The following ZRANB1 variants were observed in gnomAD, a reference collection of about 807,000 sequenced individuals.
The protein encoded by ZRANB1 is ubiquitin thioesterase ZRANB1.
A neutral mutation model predicts 80.5 loss-of-function variants in ZRANB1; 16 were observed. The observed-to-expected ratio is 0.20, with a 90% CI of 0.13 to 0.30. ZRANB1 has a LOEUF of 0.30. Ranked by LOEUF, ZRANB1 falls within the 10% of genes least tolerant of loss-of-function variation. ZRANB1 has a pLI of 1.00. For synonymous variants in ZRANB1, 291 were observed against 293.1 expected (o/e 0.99, Z 0.07); for missense variants, 576 against 862.6 (o/e 0.67, Z 4.16).
upstream of ZRANB1, among the ~76,000 whole-genome samples, chr10:124,938,775 TA>T (rs1951510154): frequency 6.6e-6 from 1 of 151,190 alleles, no homozygotes. Context: ...AGCACAATCA[TA>T]ACTCACTGTA....
chr10:124,935,590 A>G, the ZRANB1 span, among the ~76,000 whole-genome samples: 10 of 152,214 alleles, frequency 6.6e-5, no homozygotes, highest in African/African-American at 9.6e-5. Context: ...TGTGGGCCCT[A>G]GTGCCTGTGG....
the ZRANB1 span, among the ~76,000 whole-genome samples, chr10:124,933,049 ATTC>A: frequency 1.3e-5 from 2 of 151,466 alleles, no homozygotes; most frequent in Non-Finnish European, 2.9e-5. Flanking sequence ...GGTTTTTGGT[ATTC>A]TTATTCTCTT....
At chr10:124,920,787 T>C in the ZRANB1 span, among the ~76,000 whole-genome samples, 429 of 152,248 alleles carry the variant, frequency 2.8e-3, 2 homozygotes, top group African/African-American at 1.0e-2. Flanking sequence ...CAGTTATCTT[T>C]TTATGTTTCT....
rs4020644 is a variant in ZRANB1, at chr10:124,943,528, A to AGTGTGT, written c.814+234_814+239dup. ...GTCTCCACGCACATGCAAAAATGTG[A>AGTGTGT]GTGTGTGTGTGTGTGTGTATATATA... On this transcript the variant is annotated intron_variant, in intron 1 of 8. Coordinates refer to ENST00000359653, the MANE Select transcript of ZRANB1 (RefSeq NM_017580.3). Among the ~76,000 whole-genome samples the AGTGTGT allele has an allele frequency of 1.5e-3, 218 of 148,728 alleles. 1 individual carries two copies. Among genetic ancestry groups the AGTGTGT allele is most frequent in the African/African-American group, 4.3e-3 (177 of 40,878 alleles).
chr10:124,922,321 TATATGTATATATA>T, the ZRANB1 span, among the ~76,000 whole-genome samples: 4 of 19,896 alleles, frequency 2.0e-4, no homozygotes, highest in African/African-American at 3.5e-4. Context: ...ATATGTAAAA[TATATGTATATATA>T]TATTTTTTTT....
rs17152433 is a variant in ZRANB1, at chr10:124,981,787, G to A, written c.1506G>A (p.Gln502=). ...TACATTTTTCCTTGAGAGAAGAACA[G>A]TGGCAAGAAGACTGGGCATTTATAC... ...FGLHFSLREE[Q]WQEDWAFILS... is the part of the protein sequence containing the mutation. The change falls in exon 6 of 9, where the codon CAG becomes CAA. Residue 502 remains glutamine (Q), a synonymous_variant. Transcript: ENST00000359653. 264,083 of 1,613,126 alleles carry A rather than the reference G, an allele frequency of 0.16. 26,454 individuals are homozygous for A. Among genetic ancestry groups the A allele is most frequent in the African/African-American group, 0.48 (35,630 of 74,860 alleles).
chr10:124,963,561 T>G (rs77492536), intron 1 of ZRANB1, among the ~76,000 whole-genome samples: 84 of 137,056 alleles, frequency 6.1e-4, no homozygotes, highest in South Asian at 3.9e-3. Flanking sequence ...TTTGTTTTTT[T>G]TTTTTTTTTT....
Position 124,986,596 on chromosome 10 carries a change from T to C in ZRANB1, c.*1604T>C, listed in dbSNP as rs1028711086. ...TTTAGTACGATTCTGTAGAAATGAA[T>C]CTTTGATATAATGTAAATGCTGCTG... On this transcript the variant is annotated 3_prime_UTR_variant, in exon 9 of 9. Coordinates refer to ENST00000359653, the MANE Select transcript of ZRANB1 (RefSeq NM_017580.3). 31 of 152,202 alleles carry C rather than the reference T, an allele frequency of 2.0e-4. No individual in the cohort carries two copies. Among genetic ancestry groups the C allele is most frequent in the African/African-American group, 7.0e-4 (29 of 41,452 alleles). The allele number at this position is 152,202 out of a possible 1,614,324, so 9.4% of individuals were successfully genotyped here.
chr10:124,925,835 C>T, the ZRANB1 span, among the ~76,000 whole-genome samples: 1 of 152,184 alleles, frequency 6.6e-6, no homozygotes, highest in Non-Finnish European at 1.5e-5. Context: ...TGCACAGTCA[C>T]GCGTTGCTTA....
chr10:124,974,284 G>A lies in ZRANB1; in HGVS notation c.1313G>A (p.Arg438Gln). 4 of 1,614,204 alleles carry A rather than the reference G, an allele frequency of 2.5e-6. No individual in the cohort carries two copies. The highest frequency in any genetic ancestry group is 1.1e-5 in the South Asian group (1 of 91,086). ...AGTCGACTGTATGCACTTTGGAACC[G>A]GACTGCAGGAGACTGCCTACTTGAT... ...LDSRLYALWN[R>Q]TAGDCLLDSV... The change falls in exon 5 of 9, where the codon CGG becomes CAG. Residue 438 changes from arginine (R) to glutamine (Q), a missense_variant. Transcript: ENST00000359653.
the ZRANB1 span, among the ~76,000 whole-genome samples, chr10:124,929,253 A>G: frequency 1.3e-5 from 2 of 152,034 alleles, no homozygotes; most frequent in Non-Finnish European, 2.9e-5. Flanking sequence ...GTGGTGCATT[A>G]GCAAGAGGGT....
chr10:124,971,955 T>C lies in ZRANB1; in HGVS notation c.1003-10T>C. On this transcript the variant is annotated splice_polypyrimidine_tract_variant and intron_variant, in intron 2 of 8. Transcript: ENST00000359653. The stretch of plus-strand genomic sequence containing the variant: ...CATGAGATGAGAGGAAGGTTTCTTT[T>C]GTATTTAAGGTGTCTCAACAAGCAG... The C allele has an allele frequency of 6.4e-7, 1 of 1,566,656 alleles. No homozygotes were observed. The highest frequency in any genetic ancestry group is 8.6e-7 in the Non-Finnish European group (1 of 1,157,052).
chr10:124,973,374 C>T (rs530874664), intron 3 of ZRANB1, among the ~76,000 whole-genome samples: 1 of 152,244 alleles, frequency 6.6e-6, no homozygotes, highest in East Asian at 1.9e-4. Context: ...CCAGGCTGGG[C>T]TCAGAATCCT....
At position 124,985,556 on chromosome 10, in the gene ZRANB1, T is replaced by TG. The variant is rs1314922129; in HGVS notation, c.*564_*565insG. 6.6e-6 allele frequency: 1 copy of TG among 152,652 alleles called. No homozygotes were observed. Among genetic ancestry groups the TG allele is most frequent in the Non-Finnish European group, 1.5e-5 (1 of 68,054 alleles). The allele number at this position is 152,652 out of a possible 1,614,324, so 9.5% of individuals were successfully genotyped here. On this transcript the variant is annotated 3_prime_UTR_variant, in exon 9 of 9. Coordinates refer to ENST00000359653, the MANE Select transcript of ZRANB1 (RefSeq NM_017580.3). ...GTTCCTCTTGTGCCCAATCAAATCT[T>TG]TTAGGAACAAACTGCAAGAAAAGCT...
chr10:124,941,367 G>C (rs182890752), upstream of ZRANB1, among the ~76,000 whole-genome samples: 88 of 152,012 alleles, frequency 5.8e-4, no homozygotes, highest in East Asian at 0.015. Flanking sequence ...TTTTTTGGGG[G>C]GCAGGGGATG....
In ZRANB1 at chr10:124,942,664, C is replaced by A. The variant is rs776166497; in HGVS notation, c.171C>A (p.Ser57Arg). 1.2e-6 allele frequency: 2 copies of A among 1,614,084 alleles called. No homozygotes were observed. Among genetic ancestry groups the A allele is most frequent in the African/African-American group, 1.3e-5 (1 of 74,920 alleles). Residue 57 changes from serine to arginine, a missense_variant, in exon 1 of 9, where the codon AGC (serine) becomes AGA (arginine). By Grantham distance (110) the Ser-to-Arg change is moderately radical (BLOSUM62 -1). Coordinates refer to ENST00000359653, the MANE Select transcript of ZRANB1 (RefSeq NM_017580.3). ...TTGGTAGAGATTGGGATCCTTCCAG[C>A]ACCGAAGGAGGAAGTAGTCCTTTGA... is the stretch of plus-strand genomic sequence containing the variant. The part of the protein sequence containing the change: ...SDVGRDWDPS[S>R]TEGGSSPLIC...
intron 1 of ZRANB1, chr10:124,962,287 G>T (rs1202548767): frequency 6.9e-6 from 4 of 583,860 alleles, no homozygotes; most frequent in Non-Finnish European, 8.6e-6. Flanking sequence ...TCTCTTTAAG[G>T]GTTCCTGAAA....
rs1951543809 is a variant in ZRANB1, at chr10:124,942,403, A to G, written c.-91A>G. The G allele has an allele frequency of 1.3e-6, 2 of 1,547,714 alleles. No individual in the cohort carries two copies. Among genetic ancestry groups the G allele is most frequent in the East Asian group, 2.4e-5 (1 of 42,504 alleles). On this transcript the variant is annotated 5_prime_UTR_variant, in exon 1 of 9. Transcript: ENST00000359653. ...GAAGGACTTGCTTTTTGGGCAGCGT[A>G]TTTTTGGAGGTGGAATGTAGTTATT...
chr10:124,966,453 C>G, intron 1 of ZRANB1, 141 bp from the exon 2 acceptor site: 1 of 809,934 alleles, frequency 1.2e-6, no homozygotes, highest in Non-Finnish European at 1.9e-6. Flanking sequence ...ATTTTCCTTA[C>G]TCTTATAGGA....
Sources: allele counts gnomAD v4.1 joint callset (sites outside exome capture counted in the v4.1 genomes callset), GRCh38; gene constraint gnomAD v4.1.1; transcripts MANE v1.5; gene names NCBI Gene and HGNC (gene_info 2026-07-23, HGNC 2026-07-21).